The following TMEM108 variants were observed in gnomAD, a reference collection of about 807,000 sequenced individuals.
TMEM108 encodes the protein transmembrane protein 108, also known as cancer/testis antigen 124.
TMEM108 carries 12 observed loss-of-function variants against 35.1 expected under a neutral mutation model. That is an observed-to-expected ratio of 0.34 (90% confidence interval 0.22 to 0.55). The LOEUF is 0.55. Ranked by LOEUF, TMEM108 falls within the 20% of genes least tolerant of loss-of-function variation. The probability of loss-of-function intolerance (pLI) is 0.89; values close to 1 mark genes in which losing one functional copy is unlikely to be tolerated. For synonymous variants in TMEM108, 287 were observed against 308.6 expected (o/e 0.93, Z 0.73); for missense variants, 680 against 753.3 (o/e 0.90, Z 1.14).
chr3:133,096,095 C>T (rs753186649), intron 2 of TMEM108, among the ~76,000 whole-genome samples: 2 of 152,132 alleles, frequency 1.3e-5, no homozygotes, highest in Non-Finnish European at 2.9e-5. Flanking sequence ...ACAGAATATT[C>T]GTATAGCACA....
At chr3:133,200,948 T>A (rs1279701920) in intron 2 of TMEM108, among the ~76,000 whole-genome samples, 3 of 152,220 alleles carry the variant, frequency 2.0e-5, no homozygotes, top group South Asian at 4.1e-4. Flanking sequence ...TTATAGAACA[T>A]TTCTATCATC....
chr3:133,389,284 G>T, intron 4 of TMEM108: 1 of 985,438 alleles, frequency 1.0e-6, no homozygotes, highest in Non-Finnish European at 1.2e-6. Flanking sequence ...GAACAGACAG[G>T]GTCACATGTC....
chr3:133,102,557 CTG>C (rs1438659387), intron 2 of TMEM108, among the ~76,000 whole-genome samples: 2 of 152,206 alleles, frequency 1.3e-5, no homozygotes, highest in East Asian at 1.9e-4. Flanking sequence ...CTAGAATAGA[CTG>C]TGAGTCCAGT....
At chr3:133,089,795 T>G (rs1943926715) in intron 2 of TMEM108, among the ~76,000 whole-genome samples, 1 of 152,242 alleles carries the variant, frequency 6.6e-6, no homozygotes, top group African/African-American at 2.4e-5. Context: ...ACTGACCTGC[T>G]GAAGGCAGGT....
At chr3:133,300,671 A>G (rs1345772543) in intron 3 of TMEM108, among the ~76,000 whole-genome samples, 1 of 152,080 alleles carries the variant, frequency 6.6e-6, no homozygotes, top group African/African-American at 2.4e-5. Context: ...TTTAGTTTGA[A>G]TGATTTTAGT....
intron 4 of TMEM108, chr3:133,389,071 A>T: frequency 2.0e-6 from 2 of 985,450 alleles, no homozygotes; most frequent in Non-Finnish European, 2.4e-6. Flanking sequence ...GGATATACTC[A>T]GTCCTCACTT....
chr3:133,263,569 T>C (rs1328662673), intron 3 of TMEM108, among the ~76,000 whole-genome samples: 2 of 152,192 alleles, frequency 1.3e-5, no homozygotes, highest in East Asian at 3.9e-4. Flanking sequence ...CTAATAACAC[T>C]AAAAAGTCAA....
chr3:133,358,777 T>C (rs1315937309), intron 3 of TMEM108, among the ~76,000 whole-genome samples: 1 of 152,208 alleles, frequency 6.6e-6, no homozygotes, highest in Non-Finnish European at 1.5e-5. Context: ...CTACTTCTTT[T>C]GCTTCTGTTC....
chr3:133,347,133 T>C (rs530662314), intron 3 of TMEM108, among the ~76,000 whole-genome samples: 1 of 152,262 alleles, frequency 6.6e-6, no homozygotes, highest in African/African-American at 2.4e-5. Flanking sequence ...TGCCTTTCCA[T>C]ATAAACTTTA....
intron 2 of TMEM108, among the ~76,000 whole-genome samples, chr3:133,070,745 ATGTGTGTG>A (rs10530634): frequency 6.7e-5 from 10 of 148,422 alleles, no homozygotes; most frequent in African/African-American, 1.5e-4. Flanking sequence ...TCTCTGATGT[ATGTGTGTG>A]TGTGTGTGTG....
intron 2 of TMEM108, among the ~76,000 whole-genome samples, chr3:133,193,002 CTT>C (rs1945523817): frequency 6.6e-6 from 1 of 152,032 alleles, no homozygotes; most frequent in African/African-American, 2.4e-5. Flanking sequence ...CATGAGAAAT[CTT>C]TTTCAGGAAT....
chr3:133,220,085 T>G (rs2107850664), intron 2 of TMEM108, among the ~76,000 whole-genome samples: 1 of 151,542 alleles, frequency 6.6e-6, no homozygotes, highest in East Asian at 1.9e-4. Context: ...TTCTTCGGTT[T>G]TTTTTTTTTT....
chr3:133,305,432 T>A (rs1289006226), intron 3 of TMEM108, among the ~76,000 whole-genome samples: 1 of 151,338 alleles, frequency 6.6e-6, no homozygotes, highest in African/African-American at 2.4e-5. Context: ...AGTTAATGGG[T>A]GCAGCGCACC....
Position 133,315,478 on chromosome 3 carries a change from C to CTCA in TMEM108, c.41-64273_41-64271dup, listed in dbSNP as rs375417056. 2.3e-3 allele frequency among the ~76,000 whole-genome samples: 353 copies of CTCA among 152,312 alleles called. 2 individuals are homozygous for CTCA. The highest frequency in any genetic ancestry group is 8.0e-3 in the African/African-American group (331 of 41,568). On this transcript the variant is annotated intron_variant, in intron 3 of 5. Coordinates refer to ENST00000321871, the MANE Select transcript of TMEM108 (RefSeq NM_023943.4). ...GTGTCCCCACAGAAATGCTTGGCCC[C>CTCA]TCACCCCAGCCCCCACACCCATGAG...
chr3:133,381,224 T>C, intron 4 of TMEM108, 63 bp downstream of exon 4: 10 of 1,495,070 alleles, frequency 6.7e-6, no homozygotes, highest in Non-Finnish European at 9.0e-6. Context: ...AACCCCAGCA[T>C]TCCTTTGTCC....
At position 133,258,874 on chromosome 3, in the gene TMEM108, G is replaced by T. The variant is rs193142530; in HGVS notation, c.40+29523G>T. Among the ~76,000 whole-genome samples, 4 of 152,296 alleles carry T rather than the reference G, an allele frequency of 2.6e-5. No homozygotes were observed. In the East Asian group the frequency reaches 7.7e-4, roughly 29 times the overall value. Reference sequence around the variant, plus strand: ...AATTCACTGATCTCTGCCTCCAAGTGGCTTAAAATTCACTGACAAGATATA... The same window carrying T: ...AATTCACTGATCTCTGCCTCCAAGTTGCTTAAAATTCACTGACAAGATATA... On this transcript the variant is annotated intron_variant, in intron 3 of 5. Coordinates refer to ENST00000321871, the MANE Select transcript of TMEM108 (RefSeq NM_023943.4).
intron 2 of TMEM108, among the ~76,000 whole-genome samples, chr3:133,057,473 A>G (rs1317510416): frequency 7.4e-5 from 3 of 40,752 alleles, no homozygotes; most frequent in African/African-American, 2.0e-4. Context: ...ATATATATAT[A>G]TATATATATA....
rs375406479 is a variant in TMEM108, at chr3:133,142,498, G to A, written c.-46-86768G>A. 5.9e-5 allele frequency among the ~76,000 whole-genome samples: 9 copies of A among 152,270 alleles called. No homozygotes were observed. The East Asian group carries it at 1.2e-3, about 20-fold the overall frequency. ...AACATTACCTGCTCAGGGTGGATGT[G>A]TGTGCTGGGAAGTAGAGGCAGGAGG... On this transcript the variant is annotated intron_variant, in intron 2 of 5. Coordinates refer to ENST00000321871, the MANE Select transcript of TMEM108 (RefSeq NM_023943.4).
intron 3 of TMEM108, among the ~76,000 whole-genome samples, chr3:133,236,790 C>G (rs1361607391): frequency 6.6e-6 from 1 of 152,132 alleles, no homozygotes; most frequent in Non-Finnish European, 1.5e-5. Flanking sequence ...CATTTCCCCT[C>G]TCTTTTTCTT....
Sources: allele counts gnomAD v4.1 joint callset (sites outside exome capture counted in the v4.1 genomes callset), GRCh38; gene constraint gnomAD v4.1.1; transcripts MANE v1.5; gene names NCBI Gene and HGNC (gene_info 2026-07-23, HGNC 2026-07-21).